Variants in VTA1 observed in about 807,000 individuals in gnomAD.
The protein encoded by VTA1 is vacuolar protein sorting-associated protein VTA1 homolog.
A neutral mutation model predicts 36.9 loss-of-function variants in VTA1; 24 were observed. That is an observed-to-expected ratio of 0.65 (90% CI 0.47 to 0.91). VTA1 has a LOEUF of 0.91. Among genes scored for constraint, VTA1 ranks in the 40% least tolerant of loss-of-function variants. The pLI is 0.00. For synonymous variants in VTA1, 142 were observed against 130.2 expected, an observed-to-expected ratio of 1.09 and a Z score of -0.62; for missense variants, 393 against 377.2, an observed-to-expected ratio of 1.04 and a Z score of -0.35.
At chr6:142,194,055 T>G (rs1332153718) in intron 5 of VTA1, among the ~76,000 whole-genome samples, 1 of 152,112 alleles carries the variant, frequency 6.6e-6, no homozygotes, top group Admixed American at 6.6e-5. Flanking sequence ...GTGAAATTTC[T>G]AAAGGTCCAG....
intron 6 of VTA1, among the ~76,000 whole-genome samples, chr6:142,199,820 A>G (rs868452925): frequency 2.0e-4 from 30 of 152,112 alleles, no homozygotes; most frequent in African/African-American, 7.0e-4. Context: ...TTTATGGCCT[A>G]TGTGATGATA....
chr6:142,166,108 C>T, intron 1 of VTA1, 120 bp from the exon 2 acceptor site: 1 of 593,560 alleles, frequency 1.7e-6, no homozygotes. Context: ...CATAGTAAAT[C>T]AGTTTTATTT....
intron 7 of VTA1, among the ~76,000 whole-genome samples, chr6:142,212,147 T>A (rs1172889868): frequency 6.6e-6 from 1 of 152,258 alleles, no homozygotes; most frequent in Non-Finnish European, 1.5e-5. Flanking sequence ...CTTAGGATCC[T>A]GCAGTTGTGT....
chr6:142,208,937 A>C (rs1582904555), intron 7 of VTA1, among the ~76,000 whole-genome samples: 1 of 152,336 alleles, frequency 6.6e-6, no homozygotes, highest in Non-Finnish European at 1.5e-5. Flanking sequence ...AAAACATTTC[A>C]AGGTGTAAAA....
At chr6:142,185,022 C>G (rs1411893305) in intron 4 of VTA1, among the ~76,000 whole-genome samples, 1 of 152,006 alleles carries the variant, frequency 6.6e-6, no homozygotes, top group African/African-American at 2.4e-5. Flanking sequence ...CAAGTATTTC[C>G]TTATTTCTAT....
intron 5 of VTA1, 51 bp from the exon 6 acceptor site, chr6:142,198,388 A>G: frequency 6.5e-7 from 1 of 1,549,768 alleles, no homozygotes; most frequent in Non-Finnish European, 8.8e-7. Context: ...AATACCTAGC[A>G]CTTGTATTTC....
chr6:142,176,756 A>G (rs1477228973), intron 4 of VTA1, among the ~76,000 whole-genome samples: 1 of 152,216 alleles, frequency 6.6e-6, no homozygotes. Flanking sequence ...TTCTAAATCC[A>G]GTTTCAGTAT....
In VTA1 at chr6:142,169,650, A is replaced by G. The variant is rs763095273; in HGVS notation, c.308A>G (p.Asn103Ser). ...YALKMFLYAD[N>S]EDRAGRFHKN... ...TTGAAAATGTTTTTGTATGCAGACAATGAAGATCGTGCTGGACGATTTCAC... is the reference window on the plus strand; with the variant it reads ...TTGAAAATGTTTTTGTATGCAGACAGTGAAGATCGTGCTGGACGATTTCAC... The change falls in exon 3 of 8, where the codon AAT becomes AGT. Residue 103 changes from asparagine to serine, a missense_variant. Coordinates refer to ENST00000367630, the MANE Select transcript of VTA1 (RefSeq NM_016485.5). 7.5e-6 allele frequency: 12 copies of G among 1,607,186 alleles called. No individual in the cohort carries two copies. The highest frequency in any genetic ancestry group is 4.5e-5 in the South Asian group (4 of 89,078).
intron 1 of VTA1, among the ~76,000 whole-genome samples, chr6:142,165,037 A>G (rs1352064928): frequency 2.6e-5 from 4 of 152,248 alleles, no homozygotes; most frequent in East Asian, 1.9e-4. Context: ...TTACAAGTCA[A>G]TTTGTTTAAA....
chr6:142,157,684 C>T (rs530294154), intron 1 of VTA1, among the ~76,000 whole-genome samples: 15 of 151,990 alleles, frequency 9.9e-5, no homozygotes, highest in African/African-American at 3.6e-4. Flanking sequence ...TTTGGTTGTT[C>T]AAAGTGGAAG....
intron 5 of VTA1, among the ~76,000 whole-genome samples, chr6:142,190,918 T>C (rs1001690389): frequency 2.0e-5 from 3 of 152,212 alleles, no homozygotes; most frequent in Non-Finnish European, 2.9e-5. Flanking sequence ...CTGGCCATAG[T>C]TGGCCAACCC....
intron 5 of VTA1, among the ~76,000 whole-genome samples, chr6:142,196,429 A>C (rs182376078): frequency 6.6e-6 from 1 of 152,218 alleles, no homozygotes; most frequent in Non-Finnish European, 1.5e-5. Flanking sequence ...ATTTCCTGCA[A>C]AAAGCATATA....
intron 1 of VTA1, among the ~76,000 whole-genome samples, chr6:142,163,317 A>C (rs1774845738): frequency 1.3e-5 from 2 of 151,990 alleles, no homozygotes; most frequent in African/African-American, 4.8e-5. Flanking sequence ...AAAAAGGGAG[A>C]GGGTCTGCAA....
At position 142,165,250 on chromosome 6, in the gene VTA1, G is replaced by C. The variant is rs531317909; in HGVS notation, c.113-978G>C. On this transcript the variant is annotated intron_variant, in intron 1 of 7. Transcript: ENST00000367630. ...GTGAGTTTAGGCAAAATGAGTGCTT[G>C]TATATGTTGCGGATACAATGGTGTA... Among the ~76,000 whole-genome samples, 6 of 152,254 alleles carry C rather than the reference G, an allele frequency of 3.9e-5. No homozygotes were observed. The East Asian group carries it at 1.2e-3, about 29-fold the overall frequency.
At chr6:142,206,100 T>C (rs1179511421) in intron 7 of VTA1, among the ~76,000 whole-genome samples, 1 of 151,906 alleles carries the variant, frequency 6.6e-6, no homozygotes, top group Non-Finnish European at 1.5e-5. Flanking sequence ...GCTATAAAGA[T>C]AGGAAAAGAA....
chr6:142,204,967 G>A (rs534125750), intron 7 of VTA1, among the ~76,000 whole-genome samples: 25 of 152,106 alleles, frequency 1.6e-4, no homozygotes, highest in East Asian at 3.9e-4. Context: ...CTCATAATCC[G>A]CCTGCCTCAG....
chr6:142,157,812 GT>G (rs1465721328), intron 1 of VTA1, among the ~76,000 whole-genome samples: 1 of 147,060 alleles, frequency 6.8e-6, no homozygotes, highest in Non-Finnish European at 1.5e-5. Flanking sequence ...CATTTTTTAT[GT>G]TTTTTTATAT....
At chr6:142,185,480 TAATA>T (rs1286784422) in intron 4 of VTA1, among the ~76,000 whole-genome samples, 1 of 152,200 alleles carries the variant, frequency 6.6e-6, no homozygotes, top group Admixed American at 6.5e-5. Flanking sequence ...CATAGGTTAA[TAATA>T]AACATTTTAA....
At chr6:142,151,453 A>G (rs187402450) in intron 1 of VTA1, among the ~76,000 whole-genome samples, 3 of 152,332 alleles carry the variant, frequency 2.0e-5, no homozygotes, top group Non-Finnish European at 4.4e-5. Flanking sequence ...CAAAGGAGAA[A>G]TACTGAAGAT....
Sources: gnomAD v4.1 joint callset for allele counts (sites outside exome capture counted in the v4.1 genomes callset) on GRCh38, gnomAD v4.1.1 for gene constraint, MANE v1.5 for transcripts, NCBI Gene and HGNC (gene_info 2026-07-23, HGNC 2026-07-21) for gene names.